The following TLL1 variants were observed in gnomAD, a reference collection of about 807,000 sequenced individuals.
The protein encoded by TLL1 is tolloid-like protein 1.
Under a neutral mutation model 128.2 loss-of-function variants are expected in TLL1, and 49 were observed. The ratio of observed to expected loss-of-function variants is 0.38; its 90% CI spans 0.30 to 0.48. The LOEUF (loss-of-function observed/expected upper bound fraction) is 0.48, where lower values mean the gene tolerates loss of function less well. Ranked by LOEUF, TLL1 falls within the 20% of genes least tolerant of loss-of-function variation. The pLI is 0.96. For synonymous variants in TLL1, 454 were observed against 418.8 expected, an observed-to-expected ratio of 1.08 and a Z score of -1.03; for missense variants, 1,123 against 1,242.0, an observed-to-expected ratio of 0.90 and a Z score of 1.44.
At chr4:166,091,968 A>G (rs1741795080) in intron 19 of TLL1, among the ~76,000 whole-genome samples, 1 of 152,126 alleles carries the variant, frequency 6.6e-6, no homozygotes, top group African/African-American at 2.4e-5. Context: ...GAGTAACATT[A>G]CTTATAGTTT....
intron 16 of TLL1, among the ~76,000 whole-genome samples, chr4:166,069,728 A>C (rs1349590206): frequency 6.6e-6 from 1 of 151,810 alleles, no homozygotes; most frequent in African/African-American, 2.4e-5. Context: ...TAGAGGAATA[A>C]TTCACATCAG....
intron 6 of TLL1, among the ~76,000 whole-genome samples, chr4:166,006,700 T>C (rs978772888): frequency 1.3e-5 from 2 of 151,762 alleles, no homozygotes; most frequent in Non-Finnish European, 3.0e-5. Context: ...ATCAGAGATT[T>C]GTGGAGCACG....
intron 18 of TLL1, among the ~76,000 whole-genome samples, chr4:166,082,614 A>G (rs1157578874): frequency 6.6e-6 from 1 of 152,122 alleles, no homozygotes; most frequent in East Asian, 1.9e-4. Context: ...AGATGTTACA[A>G]TGCGCAAAAT....
At chr4:166,088,703 A>G (rs1346516175) in intron 18 of TLL1, among the ~76,000 whole-genome samples, 1 of 152,106 alleles carries the variant, frequency 6.6e-6, no homozygotes, top group African/African-American at 2.4e-5. Flanking sequence ...TTTGACTAAT[A>G]TGACTCTTAC....
At chr4:166,003,337 C>T (rs1737254484) in intron 5 of TLL1, 54 bp from the exon 6 acceptor site, 1 of 1,587,472 alleles carries the variant, frequency 6.3e-7, no homozygotes, top group Non-Finnish European at 8.6e-7. Flanking sequence ...ACCATATTGT[C>T]AGTTGTCCAG....
intron 1 of TLL1, among the ~76,000 whole-genome samples, chr4:165,894,720 C>A (rs1261568927): frequency 4.6e-5 from 7 of 152,054 alleles, no homozygotes; most frequent in Non-Finnish European, 7.4e-5. Context: ...AGTCTTTCAT[C>A]ACTAAGTGTG....
intron 1 of TLL1, among the ~76,000 whole-genome samples, chr4:165,900,343 A>G (rs931958875): frequency 2.6e-5 from 4 of 152,028 alleles, no homozygotes; most frequent in African/African-American, 9.7e-5. Flanking sequence ...TGGTCTTTAC[A>G]ATTTGGTATG....
chr4:166,071,010 G>A (rs374433483), intron 16 of TLL1, among the ~76,000 whole-genome samples: 34 of 151,890 alleles, frequency 2.2e-4, no homozygotes, highest in Non-Finnish European at 2.1e-4. Context: ...TGTAGCTCTC[G>A]TAGTGTTTAT....
intron 12 of TLL1, 62 bp downstream of exon 12, chr4:166,043,481 A>G: frequency 6.2e-7 from 1 of 1,602,596 alleles, no homozygotes; most frequent in East Asian, 2.2e-5. Flanking sequence ...GGCATTTAAG[A>G]GAATCCTCAT....
chr4:166,057,098 T>A (rs1740048924), intron 13 of TLL1, 86 bp from the exon 14 acceptor site: 19 of 1,509,234 alleles, frequency 1.3e-5, no homozygotes, highest in Non-Finnish European at 1.7e-5. Flanking sequence ...CAAGGTGAGA[T>A]TTGGGTGGGG....
At chr4:166,061,561 CT>C (rs1283856442) in intron 15 of TLL1, among the ~76,000 whole-genome samples, 1 of 151,872 alleles carries the variant, frequency 6.6e-6, no homozygotes, top group Non-Finnish European at 1.5e-5. Flanking sequence ...CTTTTAATTA[CT>C]TTTTTTCCTC....
At chr4:166,013,896 G>T (rs1737813796) in intron 7 of TLL1, among the ~76,000 whole-genome samples, 1 of 149,742 alleles carries the variant, frequency 6.7e-6, no homozygotes, top group African/African-American at 2.4e-5. Flanking sequence ...GGCATTCTTT[G>T]TTTTTTTTTA....
At chr4:165,994,317 A>G in intron 3 of TLL1, 64 bp from the exon 4 acceptor site, 2 of 1,594,624 alleles carry the variant, frequency 1.3e-6, no homozygotes, top group Non-Finnish European at 1.7e-6. Context: ...TTTGTCCTTT[A>G]AGAGGTAAAT....
intron 1 of TLL1, among the ~76,000 whole-genome samples, chr4:165,978,096 C>T (rs1197129767): frequency 2.6e-5 from 4 of 152,142 alleles, no homozygotes; most frequent in Admixed American, 2.6e-4. Context: ...TAACAGAACA[C>T]TTTCATATTT....
In TLL1 at chr4:166,014,529, C is replaced by G; in HGVS notation, c.1011C>G (p.Ile337Met). ...GAACCCGTCTAAGCAAAGGAGATAT[C>G]GCACAGGCAAGAAAGCTGTATAGAT... ...GQRTRLSKGD[I>M]AQARKLYRCP... Residue 337 changes from isoleucine to methionine, a missense_variant, in exon 8 of 21, where the codon ATC (isoleucine) becomes ATG (methionine). Ile to Met is a conservative substitution (Grantham distance 10, BLOSUM62 1). Around this residue, in one of 3 missense-constraint regions of TLL1, gnomAD observed 480 missense variants for 542.4 expected, o/e 0.89. Transcript: ENST00000061240. The G allele has an allele frequency of 1.2e-6, 2 of 1,612,206 alleles. No individual in the cohort carries two copies. The highest frequency in any genetic ancestry group is 1.7e-6 in the Non-Finnish European group (2 of 1,178,690).
intron 1 of TLL1, among the ~76,000 whole-genome samples, chr4:165,904,852 G>C (rs745942495): frequency 2.5e-4 from 38 of 152,132 alleles, no homozygotes; most frequent in Non-Finnish European, 1.2e-4. Flanking sequence ...GTATTTAAAT[G>C]GTTTACCAAA....
In TLL1 at chr4:166,077,983, G is replaced by A; in HGVS notation, c.2395G>A (p.Glu799Lys). The change falls in exon 18 of 21, where the codon GAA becomes AAA. Residue 799 changes from glutamate to lysine, a missense_variant. Glu to Lys is a moderately conservative substitution (Grantham distance 56). Transcript: ENST00000061240. ...GCCAGACAAGTACCCAAGCAGGAAA[G>A]AATGCACTTGGGAAATCAGCGCCAC... ...NWPDKYPSRKECTWEISATPG... is the reference protein window; with the variant it reads ...NWPDKYPSRKKCTWEISATPG... 1.2e-6 allele frequency: 2 copies of A among 1,613,734 alleles called. No homozygotes were observed. Among genetic ancestry groups the A allele is most frequent in the African/African-American group, 1.3e-5 (1 of 75,032 alleles).
chr4:165,946,602 A>C (rs1734262740), intron 1 of TLL1, among the ~76,000 whole-genome samples: 1 of 151,730 alleles, frequency 6.6e-6, no homozygotes, highest in South Asian at 2.1e-4. Flanking sequence ...ATTCAACCAA[A>C]GTGCTCGAAT....
chr4:165,875,024 G>A (rs1315732836), intron 1 of TLL1: 3 of 152,570 alleles, frequency 2.0e-5, no homozygotes, highest in Admixed American at 1.3e-4. Flanking sequence ...CTGTGGCTGA[G>A]GTGATCCGCG....
Sources: allele counts gnomAD v4.1 joint callset (sites outside exome capture counted in the v4.1 genomes callset), GRCh38; gene constraint gnomAD v4.1.1; regional missense constraint gnomAD v4.1.1; transcripts MANE v1.5; gene names NCBI Gene and HGNC (gene_info 2026-07-23, HGNC 2026-07-21).